The following RARB variants were observed in gnomAD, a reference collection of about 807,000 sequenced individuals.
RARB encodes the protein retinoic acid receptor beta, also known as HBV-activated protein.
Under a neutral mutation model 51.9 loss-of-function variants are expected in RARB, and 17 were observed. The ratio of observed to expected loss-of-function variants is 0.33; its 90% CI spans 0.22 to 0.49. RARB has a LOEUF of 0.49. RARB is among the 20% of genes least tolerant of loss of function. RARB has a pLI of 0.99. For synonymous variants in RARB, 215 were observed against 195.4 expected (o/e 1.10, Z -0.84); for missense variants, 369 against 550.8 (o/e 0.67, Z 3.30).
chr3:25,030,279 A>T (rs1412019831), intron 2 of RARB, among the ~76,000 whole-genome samples: 1 of 152,256 alleles, frequency 6.6e-6, no homozygotes, highest in Admixed American at 6.5e-5. Flanking sequence ...GCGCTAGCTG[A>T]AAATTACATA....
intron 2 of RARB, among the ~76,000 whole-genome samples, chr3:25,058,290 T>A (rs1698480658): frequency 6.6e-6 from 1 of 151,916 alleles, no homozygotes. Context: ...TGATATAGTA[T>A]GCTTTGCTTT....
intron 2 of RARB, among the ~76,000 whole-genome samples, chr3:24,903,553 G>T (rs1191965710): frequency 2.0e-5 from 3 of 152,178 alleles, no homozygotes; most frequent in Admixed American, 6.5e-5. Context: ...TCAGATGTCA[G>T]CTTAATATGA....
chr3:25,299,074 A>G (rs930569931), intron 5 of RARB, among the ~76,000 whole-genome samples: 4 of 152,228 alleles, frequency 2.6e-5, no homozygotes, highest in Admixed American at 2.6e-4. Flanking sequence ...TTACAAGGTC[A>G]GTGTATTAGC....
At chr3:25,390,235 G>C (rs1201031584) in intron 5 of RARB, among the ~76,000 whole-genome samples, 1 of 152,152 alleles carries the variant, frequency 6.6e-6, no homozygotes, top group African/African-American at 2.4e-5. Context: ...GTGCATGCCT[G>C]TAGCCCCCAG....
At chr3:25,504,889 C>CT (rs1697506646) in intron 3 of RARB, among the ~76,000 whole-genome samples, 1 of 151,118 alleles carries the variant, frequency 6.6e-6, no homozygotes, top group Admixed American at 6.6e-5. Context: ...TCCCAAGTAG[C>CT]TGGCATTATA....
chr3:24,886,077 C>T (rs940436750), intron 2 of RARB, among the ~76,000 whole-genome samples: 1 of 152,126 alleles, frequency 6.6e-6, no homozygotes, highest in Non-Finnish European at 1.5e-5. Context: ...TTACAGCTTC[C>T]TTTTTCCATA....
In RARB at chr3:25,309,151, T is replaced by C. The variant is rs915144579; in HGVS notation, c.178+134576T>C. Among the ~76,000 whole-genome samples the C allele has an allele frequency of 3.6e-4, 50 of 137,114 alleles. No homozygotes were observed. In the South Asian group the frequency reaches 0.012, roughly 33 times the overall value. 90.0% of individuals were successfully genotyped at this position (137,114 alleles called of 152,430 possible). On this transcript the variant is annotated intron_variant, in intron 5 of 11. Transcript: ENST00000383772. ...TCCATTTTTTTTTTTTTTTTTTTTTTTTTTTGAGATGGAGTCTTGCTCTGT... is the reference window on the plus strand; with the variant it reads ...TCCATTTTTTTTTTTTTTTTTTTTTCTTTTTGAGATGGAGTCTTGCTCTGT...
At chr3:25,332,052 A>G (rs1005341961) in intron 5 of RARB, among the ~76,000 whole-genome samples, 4 of 152,136 alleles carry the variant, frequency 2.6e-5, no homozygotes, top group African/African-American at 9.7e-5. Flanking sequence ...CAACCAAAAA[A>G]AGTTCAGGAC....
chr3:25,212,508 C>A (rs9880778), intron 5 of RARB, among the ~76,000 whole-genome samples: 76,452 of 151,886 alleles, frequency 0.5, 19,739 homozygotes, highest in East Asian at 0.68. Context: ...ATCCCAGCTA[C>A]CCGGGAGGCT....
In RARB at chr3:24,916,670, G is replaced by T. The variant is rs145941644; in HGVS notation, c.-380+57918G>T. On this transcript the variant is annotated intron_variant, in intron 2 of 11. Coordinates refer to the RARB transcript ENST00000383772. ...GTGTTGCTCATGTGAGTATAAAAGG[G>T]TATAACCATTTTGGTAAAAAGTATT... Among the ~76,000 whole-genome samples, 13 of 147,718 alleles carry T rather than the reference G, an allele frequency of 8.8e-5. No homozygotes were observed. The Admixed American group carries it at 8.9e-4, about 10-fold the overall frequency.
chr3:25,062,827 T>C (rs1472244337), intron 3 of RARB, among the ~76,000 whole-genome samples: 1 of 151,972 alleles, frequency 6.6e-6, no homozygotes, highest in Non-Finnish European at 1.5e-5. Context: ...AAAATTAAAA[T>C]GTTATCAAAT....
chr3:25,039,912 G>C (rs1698078649), intron 2 of RARB, among the ~76,000 whole-genome samples: 1 of 152,284 alleles, frequency 6.6e-6, no homozygotes. Context: ...AGACAAAATT[G>C]TCTTGTGGGT....
At chr3:25,376,407 T>C (rs1706460588) in intron 5 of RARB, among the ~76,000 whole-genome samples, 1 of 152,158 alleles carries the variant, frequency 6.6e-6, no homozygotes, top group Admixed American at 6.5e-5. Context: ...AAAGAAGAAG[T>C]TTTTGTCTCC....
chr3:25,082,333 T>C (rs1559459850), intron 3 of RARB, among the ~76,000 whole-genome samples: 1 of 152,152 alleles, frequency 6.6e-6, no homozygotes, highest in African/African-American at 2.4e-5. Flanking sequence ...ATAACTATTC[T>C]TCCTTTTCTT....
chr3:25,394,283 C>T (rs906890810), intron 5 of RARB, among the ~76,000 whole-genome samples: 5 of 151,844 alleles, frequency 3.3e-5, no homozygotes, highest in Admixed American at 2.0e-4. Flanking sequence ...ATTTCAATTT[C>T]CTTACATTTG....
At position 24,996,268 on chromosome 3, in the gene RARB, A is replaced by G. The variant is rs1381835981; in HGVS notation, c.-379-63857A>G. On this transcript the variant is annotated intron_variant, in intron 2 of 11. Transcript: ENST00000383772. ...CTATAGTTGTTTATAGTAATCTTGA[A>G]TGATCCATTGTATTTCTATGGTATT... is the stretch of plus-strand genomic sequence containing the variant. Among the ~76,000 whole-genome samples the G allele has an allele frequency of 2.8e-4, 43 of 152,008 alleles. 1 individual carries two copies. The highest frequency in any genetic ancestry group is 1.0e-4 in the Non-Finnish European group (7 of 67,956).
At chr3:25,043,973 G>T (rs17015664) in intron 2 of RARB, among the ~76,000 whole-genome samples, 2,225 of 152,198 alleles carry the variant, frequency 0.015, 57 homozygotes, top group African/African-American at 0.05. Flanking sequence ...GATATGGAGT[G>T]CAAGTCCTCC....
At chr3:25,410,051 C>T (rs994375946) in intron 5 of RARB, among the ~76,000 whole-genome samples, 9 of 152,174 alleles carry the variant, frequency 5.9e-5, no homozygotes, top group Admixed American at 2.0e-4. Flanking sequence ...TTCTTGTTTT[C>T]ATTCATTGTC....
chr3:25,280,219 G>A lies in RARB; in HGVS notation c.178+105644G>A, dbSNP rs931201865. On this transcript the variant is annotated intron_variant, in intron 5 of 11. Transcript: ENST00000383772. ...GGTATAATCTAATGCTAATAAACTG[G>A]GGGGAACTTAGCAAGGCCTGTTTGT... Among the ~76,000 whole-genome samples, 3 of 152,220 alleles carry A rather than the reference G, an allele frequency of 2.0e-5. No individual in the cohort carries two copies. The South Asian group carries it at 6.2e-4, about 32-fold the overall frequency.
Sources: gnomAD v4.1 joint callset for allele counts (sites outside exome capture counted in the v4.1 genomes callset) on GRCh38, gnomAD v4.1.1 for gene constraint, MANE v1.5 for transcripts, NCBI Gene and HGNC (gene_info 2026-07-23, HGNC 2026-07-21) for gene names.